DNAH6: variants seen among roughly 807,000 people sequenced by gnomAD.
DNAH6 encodes the protein dynein axonemal heavy chain 6, also known as axonemal beta dynein heavy chain 6.
In DNAH6, 340 loss-of-function variants were observed where a neutral mutation model predicts 491.4. The observed-to-expected ratio is 0.69, with a 90% CI of 0.63 to 0.76. DNAH6 has a LOEUF of 0.76. Among genes scored for constraint, DNAH6 ranks in the 30% least tolerant of loss-of-function variants. DNAH6 has a pLI of 0.00. For missense variants in DNAH6, 4,443 were observed against 4,972.2 expected, an observed-to-expected ratio of 0.89 and a Z score of 3.20; for synonymous variants, 1,603 against 1,686.1, an observed-to-expected ratio of 0.95 and a Z score of 1.21.
At chr2:84,503,758 TCTC>T in the DNAH6 span, among the ~76,000 whole-genome samples, 2 of 152,036 alleles carry the variant, frequency 1.3e-5, no homozygotes, top group Non-Finnish European at 1.5e-5. Flanking sequence ...CATGGAAAAG[TCTC>T]CTGGCAGATG....
intron 11 of DNAH6, among the ~76,000 whole-genome samples, chr2:84,561,822 C>A (rs986862552): frequency 6.6e-6 from 1 of 152,086 alleles, no homozygotes; most frequent in East Asian, 1.9e-4. Context: ...CAGAGAAATG[C>A]AAATCAAAAC....
At chr2:84,787,141 A>T in intron 67 of DNAH6, 23 bp from the exon 68 acceptor site, 2 of 1,464,328 alleles carry the variant, frequency 1.4e-6, no homozygotes, top group African/African-American at 2.9e-5. Context: ...TTTATTTCAG[A>T]TCATTTTCAT....
At chr2:84,559,008 T>C (rs767771434) in intron 11 of DNAH6, among the ~76,000 whole-genome samples, 20 of 152,330 alleles carry the variant, frequency 1.3e-4, no homozygotes, top group Non-Finnish European at 2.2e-4. Flanking sequence ...TAACTTAAAA[T>C]TAGCATAGTG....
chr2:84,783,799 G>A (rs768921878), intron 65 of DNAH6, among the ~76,000 whole-genome samples: 1 of 152,184 alleles, frequency 6.6e-6, no homozygotes, highest in African/African-American at 2.4e-5. Flanking sequence ...TAACGTATAC[G>A]TTGTGTTAGA....
rs1204157923 is a variant in DNAH6, at chr2:84,658,525, A to G, written c.5940+51A>G. ...GAAGCTAGAAAAATTAGATTATTGT[A>G]TAAGTTCTTTGCAAAGAAATGACTC... On this transcript the variant is annotated intron_variant, in intron 36 of 76. Coordinates refer to ENST00000389394, the MANE Select transcript of DNAH6 (RefSeq NM_001370.2). 1.9e-5 allele frequency: 24 copies of G among 1,278,824 alleles called. 1 individual carries two copies. In the South Asian group the frequency reaches 3.5e-4, roughly 19 times the overall value. The allele number at this position is 1,278,824 out of a possible 1,614,324, so 79.2% of individuals were successfully genotyped here.
At chr2:84,666,445 C>A (rs1692134938) in intron 37 of DNAH6, among the ~76,000 whole-genome samples, 1 of 152,080 alleles carries the variant, frequency 6.6e-6, no homozygotes, top group Non-Finnish European at 1.5e-5. Flanking sequence ...ACAAGCATTC[C>A]TATACACCAA....
chr2:84,703,633 C>A (rs961295863), intron 50 of DNAH6, 71 bp downstream of exon 50: 3 of 1,251,310 alleles, frequency 2.4e-6, no homozygotes, highest in Non-Finnish European at 3.1e-6. Flanking sequence ...TAATGAGACA[C>A]GATTGGATTT....
chr2:84,468,437 A>G, the DNAH6 span, among the ~76,000 whole-genome samples: 1 of 152,220 alleles, frequency 6.6e-6, no homozygotes, highest in African/African-American at 2.4e-5. Flanking sequence ...TAGAGCTTGA[A>G]TATCTGTTTT....
chr2:84,721,103 A>G (rs1461246481), intron 59 of DNAH6, among the ~76,000 whole-genome samples: 1 of 152,240 alleles, frequency 6.6e-6, no homozygotes, highest in Non-Finnish European at 1.5e-5. Flanking sequence ...ACGGAAGCAT[A>G]TAGTATTCTA....
intron 33 of DNAH6, among the ~76,000 whole-genome samples, chr2:84,648,274 C>A (rs150683244): frequency 6.6e-6 from 1 of 152,184 alleles, no homozygotes; most frequent in Non-Finnish European, 1.5e-5. Context: ...GGGAGATGTA[C>A]AAGATGAATG....
intron 30 of DNAH6, 135 bp from the exon 31 acceptor site, chr2:84,637,075 C>T: frequency 1.4e-6 from 1 of 700,602 alleles, no homozygotes; most frequent in South Asian, 2.3e-5. Flanking sequence ...GAAATGTTCC[C>T]TGTTGTCCAA....
At chr2:84,715,721 T>C in intron 58 of DNAH6, 94 bp downstream of exon 58, 4 of 1,233,514 alleles carry the variant, frequency 3.2e-6, no homozygotes, top group Non-Finnish European at 4.6e-6. Flanking sequence ...TGTTCTGCTG[T>C]GTAAGAGCAC....
At chr2:84,613,072 T>C (rs1344968863) in intron 22 of DNAH6, among the ~76,000 whole-genome samples, 1 of 152,096 alleles carries the variant, frequency 6.6e-6, no homozygotes. Context: ...TAGAGACTTA[T>C]ATAGATCATT....
intron 68 of DNAH6, among the ~76,000 whole-genome samples, chr2:84,789,492 C>T (rs1677541397): frequency 1.3e-5 from 2 of 152,130 alleles, no homozygotes; most frequent in African/African-American, 4.8e-5. Flanking sequence ...TTTACCAGTA[C>T]AATCCTGAAA....
chr2:84,635,382 T>C (rs1010531265), intron 30 of DNAH6, among the ~76,000 whole-genome samples: 1 of 152,104 alleles, frequency 6.6e-6, no homozygotes, highest in Non-Finnish European at 1.5e-5. Context: ...TGAAAAGAAT[T>C]CAAAGTTAAA....
In DNAH6 at chr2:84,528,776, A is replaced by T. The variant is rs1676847589; in HGVS notation, c.400-128A>T. On this transcript the variant is annotated intron_variant, in intron 3 of 76. Transcript: ENST00000389394. ...TAGTTTGAAAATTTTCAGTGCCAAA[A>T]TGCTTGCCTTTGAGCCCTAGACATC... The T allele has an allele frequency of 4.4e-6, 4 of 905,940 alleles. No homozygotes were observed. The Admixed American group carries it at 1.2e-4, about 27-fold the overall frequency. 56.1% of individuals were successfully genotyped at this position (905,940 alleles called of 1,614,324 possible).
At chr2:84,673,317 G>A (rs150482685) in intron 40 of DNAH6, among the ~76,000 whole-genome samples, 27 of 152,292 alleles carry the variant, frequency 1.8e-4, no homozygotes, top group Non-Finnish European at 3.2e-4. Context: ...AGGAGCTGCT[G>A]AAGGAAATGT....
At chr2:84,501,273 T>C in the DNAH6 span, among the ~76,000 whole-genome samples, 1 of 152,228 alleles carries the variant, frequency 6.6e-6, no homozygotes, top group African/African-American at 2.4e-5. Context: ...TCAGCATCAA[T>C]TGAAATGATC....
In DNAH6 at chr2:84,819,469, A is replaced by G; in HGVS notation, c.*61A>G. 1 of 1,110,126 alleles carries G rather than the reference A, an allele frequency of 9.0e-7. No homozygotes were observed. Among genetic ancestry groups the G allele is most frequent in the Middle Eastern group, 2.0e-4 (1 of 5,060 alleles). 68.8% of individuals were successfully genotyped at this position (1,110,126 alleles called of 1,614,324 possible). A position where few individuals can be genotyped will look rare whatever the true frequency, so the allele number is the denominator to read the frequency against. ...CAGAGATCTTTCCTAATGGGAGCAA[A>G]AGGTTTGAATAATTTATATGTGAGC... On this transcript the variant is annotated 3_prime_UTR_variant, in exon 77 of 77. Transcript: ENST00000389394.
Sources: gnomAD v4.1 joint callset for allele counts (sites outside exome capture counted in the v4.1 genomes callset) on GRCh38, gnomAD v4.1.1 for gene constraint, MANE v1.5 for transcripts, NCBI Gene and HGNC (gene_info 2026-07-23, HGNC 2026-07-21) for gene names.